The following SPTB variants were observed in gnomAD, a reference collection of about 807,000 sequenced individuals.
SPTB encodes the protein spectrin beta, erythrocytic, also known as spectrin beta chain, erythrocytic.
Under a neutral mutation model 256.2 loss-of-function variants are expected in SPTB, and 45 were observed. The observed-to-expected ratio is 0.18, with a 90% confidence interval of 0.14 to 0.23. SPTB has a LOEUF of 0.23. SPTB is among the 10% of genes least tolerant of loss of function. The pLI is 1.00. For synonymous variants in SPTB, 1,231 were observed against 1,243.1 expected (o/e 0.99, Z 0.21); for missense variants, 2,715 against 3,040.4 (o/e 0.89, Z 2.52).
chr14:64,789,077 C>T (rs2082624143), intron 15 of SPTB, among the ~76,000 whole-genome samples: 1 of 152,148 alleles, frequency 6.6e-6, no homozygotes, highest in Non-Finnish European at 1.5e-5. Flanking sequence ...AGGCTGGGCT[C>T]AGTGGCTCAC....
At chr14:64,800,137 T>C (rs1014282050) in intron 8 of SPTB, among the ~76,000 whole-genome samples, 3 of 152,198 alleles carry the variant, frequency 2.0e-5, no homozygotes, top group African/African-American at 7.2e-5. Flanking sequence ...GCCCTCCTCT[T>C]GCCAATCGGC....
In SPTB at chr14:64,806,441, C is replaced by T. The variant is rs776378068; in HGVS notation, c.149-1351G>A. ...GGCCTAGCCAGGAGCGGGGTCTGCC[C>T]GGTCGGAGCAGGCTGTGTGCTCGAC... On this transcript the variant is annotated intron_variant, in intron 2 of 35. Coordinates refer to ENST00000644917, the MANE Select transcript of SPTB (RefSeq NM_001355436.2). This position sits in a 1 kb window ranked among gnomAD's most constrained non-coding sequence, Gnocchi z 4.1. Among the ~76,000 whole-genome samples the T allele has an allele frequency of 5.3e-5, 8 of 152,158 alleles. No homozygotes were observed. The highest frequency in any genetic ancestry group is 8.8e-5 in the Non-Finnish European group (6 of 68,040).
At chr14:64,803,239 C>T (rs1246506813) in intron 4 of SPTB, among the ~76,000 whole-genome samples, 1 of 152,180 alleles carries the variant, frequency 6.6e-6, no homozygotes, top group Non-Finnish European at 1.5e-5. Context: ...GGAAAATATA[C>T]ACACAGATCT....
At position 64,795,252 on chromosome 14, in the gene SPTB, C is replaced by G; in HGVS notation, c.1644+85G>C. On this transcript the variant is annotated intron_variant, in intron 12 of 35. Transcript: ENST00000644917. This position sits in a 1 kb window ranked among gnomAD's most constrained non-coding sequence, Gnocchi z 6.5. The stretch of plus-strand genomic sequence containing the variant: ...AGAGATATGACTGGCTGGGAGGTGT[C>G]TAAGGAAGCCTATGCTAACTGCAGG... 1.3e-6 allele frequency: 2 copies of G among 1,507,506 alleles called. No individual in the cohort carries two copies. The highest frequency in any genetic ancestry group is 1.8e-6 in the Non-Finnish European group (2 of 1,107,762). 93.4% of individuals were successfully genotyped at this position (1,507,506 alleles called of 1,614,324 possible).
intron 2 of SPTB, among the ~76,000 whole-genome samples, chr14:64,812,238 C>A (rs547732572): frequency 1.3e-5 from 2 of 152,194 alleles, no homozygotes; most frequent in Non-Finnish European, 2.9e-5. Context: ...CGTGAGCCAA[C>A]GCGCCCAGCC....
intron 33 of SPTB, among the ~76,000 whole-genome samples, chr14:64,751,223 G>A (rs1397373246): frequency 3.3e-5 from 5 of 151,582 alleles, no homozygotes; most frequent in African/African-American, 7.3e-5. Context: ...AGGTTCAAGC[G>A]ATTTTCTTGC....
chr14:64,815,962 G>C (rs1475740717), intron 2 of SPTB, among the ~76,000 whole-genome samples: 1 of 152,184 alleles, frequency 6.6e-6, no homozygotes, highest in Non-Finnish European at 1.5e-5. Flanking sequence ...TTGCCAGGTA[G>C]ACCATTTTCT....
chr14:64,837,050 A>G (rs1206602101), intron 1 of SPTB, among the ~76,000 whole-genome samples: 3 of 152,208 alleles, frequency 2.0e-5, no homozygotes, highest in African/African-American at 7.2e-5. Context: ...AGCTCTGCCC[A>G]GAGAATCCCT....
Position 64,796,541 on chromosome 14 carries a change from G to T in SPTB, c.1341+16C>A. Reference sequence around the variant, plus strand: ...AATGTCCCCTCTCCTGTCACCCAAAGCATGTCCCTCATTACCTGGGCCACG... The same window carrying T: ...AATGTCCCCTCTCCTGTCACCCAAATCATGTCCCTCATTACCTGGGCCACG... On this transcript the variant is annotated intron_variant, in intron 11 of 35. Coordinates refer to ENST00000644917, the MANE Select transcript of SPTB (RefSeq NM_001355436.2). The surrounding 1 kb of genome is among the most constrained non-coding windows in gnomAD (Gnocchi z 4.1). 6.2e-7 allele frequency: 1 copy of T among 1,614,118 alleles called. No individual in the cohort carries two copies. Among genetic ancestry groups the T allele is most frequent in the African/African-American group, 1.3e-5 (1 of 75,038 alleles).
At position 64,786,759 on chromosome 14, in the gene SPTB, T is replaced by A; in HGVS notation, c.3206A>T (p.Asp1069Val). Residue 1069 changes from aspartate to valine, a missense_variant, in exon 16 of 36, where the codon GAT becomes GTT. Physicochemically the swap from Asp to Val is radical, Grantham distance 152. This residue lies in a region of SPTB where 2,239 missense variants were observed against 2,384.4 expected (regional missense o/e 0.94). Coordinates refer to ENST00000644917, the MANE Select transcript of SPTB (RefSeq NM_001355436.2). This position sits in a 1 kb window ranked among gnomAD's most constrained non-coding sequence, Gnocchi z 5.6. ...EVSQLQAFLQ[D>V]LDDFQAWLSI... is the part of the protein sequence containing the mutation. ...GAGCCAGGCCTGGAAGTCATCCAGA[T>A]CCTGCAGGAAGGCCTGCAGCTGGCT... 1 of 1,614,072 alleles carries A rather than the reference T, an allele frequency of 6.2e-7. No homozygotes were observed. The highest frequency in any genetic ancestry group is 8.5e-7 in the Non-Finnish European group (1 of 1,180,018).
chr14:64,788,835 C>T (rs1324969810), intron 15 of SPTB, among the ~76,000 whole-genome samples: 1 of 152,192 alleles, frequency 6.6e-6, no homozygotes, highest in African/African-American at 2.4e-5. Flanking sequence ...ACTGGTCAGG[C>T]AACATCAAGA....
chr14:64,783,707 T>C (rs1024963506), intron 19 of SPTB, among the ~76,000 whole-genome samples: 1 of 152,124 alleles, frequency 6.6e-6, no homozygotes, highest in African/African-American at 2.4e-5. Context: ...ATGGTAGAGA[T>C]GAGCAAAGGT....
chr14:64,749,143 C>T lies in SPTB; in HGVS notation c.*163G>A. The T allele has an allele frequency of 3.9e-6, 3 of 769,444 alleles. No individual in the cohort carries two copies. The highest frequency in any genetic ancestry group is 6.0e-6 in the Non-Finnish European group (3 of 501,598). 47.7% of individuals were successfully genotyped at this position (769,444 alleles called of 1,614,324 possible). ...ATGGAGGGGGCGTCGGCCCAGGACA[C>T]GCGGGCGAAGGCAGCTTTTGCAGTG... On this transcript the variant is annotated 3_prime_UTR_variant, in exon 36 of 36. Coordinates refer to ENST00000644917, the MANE Select transcript of SPTB (RefSeq NM_001355436.2). The surrounding 1 kb of genome is among the most constrained non-coding windows in gnomAD (Gnocchi z 4.7).
Position 64,749,562 on chromosome 14 carries a change from G to A in SPTB, c.6820-89C>T. On this transcript the variant is annotated intron_variant, in intron 35 of 35. Transcript: ENST00000644917. This position sits in a 1 kb window ranked among gnomAD's most constrained non-coding sequence, Gnocchi z 4.7. The stretch of plus-strand genomic sequence containing the variant: ...AACAATGGTGGGGGCTCTTGGGACT[G>A]CCCCTTCTGAGGGGGCCTCCAGGGC... 6.2e-7 allele frequency: 1 copy of A among 1,604,244 alleles called. No individual in the cohort carries two copies.
intron 32 of SPTB, chr14:64,763,609 CAG>C (rs1458773457): frequency 4.6e-5 from 20 of 434,990 alleles, no homozygotes; most frequent in Non-Finnish European, 8.4e-5. Context: ...CGCGGAGACT[CAG>C]GGGATTAGGT....
chr14:64,825,305 G>A lies in SPTB; in HGVS notation c.-51-2160C>T, dbSNP rs143215114. On this transcript the variant is annotated intron_variant, in intron 1 of 35. Coordinates refer to ENST00000644917, the MANE Select transcript of SPTB (RefSeq NM_001355436.2). The surrounding 1 kb of genome is among the most constrained non-coding windows in gnomAD (Gnocchi z 4.8). ...AAACCAGTCATCATCCCGAACACAG[G>A]ATGCCCCATGATGCCAGACCTGTGC... Among the ~76,000 whole-genome samples, 2 of 152,166 alleles carry A rather than the reference G, an allele frequency of 1.3e-5. No homozygotes were observed. The highest frequency in any genetic ancestry group is 2.9e-5 in the Non-Finnish European group (2 of 68,032).
chr14:64,779,751 T>A lies in SPTB; in HGVS notation c.4447A>T (p.Ile1483Phe), dbSNP rs1409357450. The change falls in exon 21 of 36, where the codon ATC becomes TTC. Residue 1483 changes from isoleucine (I) to phenylalanine (F), a missense_variant. Around this residue, in one of 4 missense-constraint regions of SPTB, gnomAD observed 2,239 missense variants for 2,384.4 expected, o/e 0.94. Transcript: ENST00000644917. The surrounding 1 kb of genome is among the most constrained non-coding windows in gnomAD (Gnocchi z 4.2). ...GTCTCATCCTCTAAGTCCCGGCTGATCTGCAGCTTGGCTCTGGATGATTCC... is the reference window on the plus strand; with the variant it reads ...GTCTCATCCTCTAAGTCCCGGCTGAACTGCAGCTTGGCTCTGGATGATTCC... Reference protein sequence around the residue: ...QLESSRAKLQISRDLEDETLW... With the variant: ...QLESSRAKLQFSRDLEDETLW... 1.9e-6 allele frequency: 3 copies of A among 1,614,140 alleles called. No homozygotes were observed. Among genetic ancestry groups the A allele is most frequent in the Non-Finnish European group, 2.5e-6 (3 of 1,180,006 alleles).
Position 64,794,544 on chromosome 14 carries a change from A to G in SPTB, c.1718T>C (p.Met573Thr). The change falls in exon 13 of 36, where the codon ATG (methionine) becomes ACG (threonine). Residue 573 changes from methionine (M) to threonine (T), a missense_variant. Transcript: ENST00000644917. ...VEDLLQKHKL[M>T]EADIAIQGDK... The stretch of plus-strand genomic sequence containing the variant: ...CCCTTGGATGGCGATGTCAGCTTCC[A>G]TCAACTTGTGCTTCTGTAGCAGGTC... 6 of 1,614,186 alleles carry G rather than the reference A, an allele frequency of 3.7e-6. No individual in the cohort carries two copies. The highest frequency in any genetic ancestry group is 4.2e-6 in the Non-Finnish European group (5 of 1,180,038).
intron 32 of SPTB, chr14:64,754,092 AG>A (rs2081989498): frequency 3.9e-6 from 2 of 516,132 alleles, no homozygotes; most frequent in Non-Finnish European, 7.0e-6. Flanking sequence ...AGTGAGCCAA[AG>A]GGGCCTGAGT....
Sources: gnomAD v4.1 joint callset for allele counts (sites outside exome capture counted in the v4.1 genomes callset) on GRCh38, gnomAD v4.1.1 for gene constraint, gnomAD v4.1.1 regional missense constraint, Gnocchi (gnomAD v3.1) non-coding constraint, MANE v1.5 for transcripts, NCBI Gene and HGNC (gene_info 2026-07-23, HGNC 2026-07-21) for gene names.